PCDHGA3: variants seen among roughly 807,000 people sequenced by gnomAD.
PCDHGA3 encodes the protein protocadherin gamma-A3.
PCDHGA3 carries 40 observed loss-of-function variants against 58.5 expected under a neutral mutation model. That is an observed-to-expected ratio of 0.68 (90% CI 0.53 to 0.89). The LOEUF is 0.89. Ranked by LOEUF, PCDHGA3 falls within the 40% of genes least tolerant of loss-of-function variation. The pLI is 0.00. For missense variants in PCDHGA3, 1,223 were observed against 1,195.9 expected (o/e 1.02, Z -0.33); for synonymous variants, 530 against 525.7 (o/e 1.01, Z -0.11).
At chr5:141,374,497 G>T in intron 1 of PCDHGA3, 5 of 1,611,562 alleles carry the variant, frequency 3.1e-6, no homozygotes, top group Non-Finnish European at 4.2e-6. Flanking sequence ...AGGAAGAATT[G>T]GAAGTGAAAA....
chr5:141,425,194 A>G (rs1464968527), intron 1 of PCDHGA3, among the ~76,000 whole-genome samples: 1 of 152,206 alleles, frequency 6.6e-6, no homozygotes, highest in Non-Finnish European at 1.5e-5. Context: ...CAAACTGAGA[A>G]AAATGATGTA....
chr5:141,393,408 G>T (rs2092753153), intron 1 of PCDHGA3: 1 of 1,614,022 alleles, frequency 6.2e-7, no homozygotes, highest in East Asian at 2.2e-5. Context: ...GCTGGAGCGC[G>T]CCCTGGACAG....
In PCDHGA3 at chr5:141,489,189, C is replaced by A; in HGVS notation, c.2425-5618C>A. 1 of 1,341,534 alleles carries A rather than the reference C, an allele frequency of 7.5e-7. No homozygotes were observed. The highest frequency in any genetic ancestry group is 1.0e-6 in the Non-Finnish European group (1 of 975,280). 83.1% of individuals were successfully genotyped at this position (1,341,534 alleles called of 1,614,324 possible). A position where few individuals can be genotyped will look rare whatever the true frequency, so the allele number is the denominator to read the frequency against. On this transcript the variant is annotated intron_variant, in intron 1 of 3. Transcript: ENST00000253812. This position sits in a 1 kb window ranked among gnomAD's most constrained non-coding sequence, Gnocchi z 4.5. ...TGCTGCATTCCAAGCCCTGGGTCTA[C>A]CTTGGAGACAGGACAGCACAGACTT...
At chr5:141,492,560 G>T (rs2099742000) in intron 1 of PCDHGA3, among the ~76,000 whole-genome samples, 1 of 152,156 alleles carries the variant, frequency 6.6e-6, no homozygotes, top group Non-Finnish European at 1.5e-5. Context: ...CCTGGGGGGC[G>T]GCCTGAGCGA....
At position 141,486,530 on chromosome 5, in the gene PCDHGA3, C is replaced by T; in HGVS notation, c.2425-8277C>T. 6.2e-7 allele frequency: 1 copy of T among 1,614,174 alleles called. No homozygotes were observed. The highest frequency in any genetic ancestry group is 8.5e-7 in the Non-Finnish European group (1 of 1,180,022). On this transcript the variant is annotated intron_variant, in intron 1 of 3. Transcript: ENST00000253812. The surrounding 1 kb of genome is among the most constrained non-coding windows in gnomAD (Gnocchi z 5.0). Reference sequence around the variant, plus strand: ...TATTTCAGATGTGAATGATAATCCACCCTCTTTCTTTCAGAGGTCACATGA... The same window carrying T: ...TATTTCAGATGTGAATGATAATCCATCCTCTTTCTTTCAGAGGTCACATGA...
intron 1 of PCDHGA3, 124 bp from the exon 2 acceptor site, chr5:141,494,683 C>G: frequency 6.4e-7 from 1 of 1,569,074 alleles, no homozygotes; most frequent in Non-Finnish European, 8.7e-7. Context: ...CCCCTGCCCC[C>G]TCTTAGTCCG....
At chr5:141,388,126 G>T (rs531546122) in intron 1 of PCDHGA3, 7 of 1,431,030 alleles carry the variant, frequency 4.9e-6, no homozygotes, top group East Asian at 2.4e-5. Flanking sequence ...AGCGCAGAGA[G>T]CGGGGAGTTG....
rs759945612 is a variant in PCDHGA3 at position 141,409,754 on chromosome 5, C to T, written c.2424+63297C>T. ...GCAGAGCGGGGTGGTGTTCGCGCAG[C>T]GCGCCTTTGATCACGAGCAGCTGCG... On this transcript the variant is annotated intron_variant, in intron 1 of 3. Coordinates refer to ENST00000253812, the MANE Select transcript of PCDHGA3 (RefSeq NM_018916.4). 3 of 1,612,880 alleles carry T rather than the reference C, an allele frequency of 1.9e-6. No individual in the cohort carries two copies. In the Admixed American group the frequency reaches 5.0e-5, roughly 27 times the overall value.
chr5:141,500,394 A>G (rs1024641290), intron 2 of PCDHGA3, among the ~76,000 whole-genome samples: 1 of 151,922 alleles, frequency 6.6e-6, no homozygotes, highest in Non-Finnish European at 1.5e-5. Flanking sequence ...TATTTTTAGT[A>G]GAGACGGGGT....
At chr5:141,458,345 G>A (rs1161535708) in intron 1 of PCDHGA3, among the ~76,000 whole-genome samples, 2 of 152,112 alleles carry the variant, frequency 1.3e-5, no homozygotes, top group Non-Finnish European at 2.9e-5. Context: ...GGAGTGGAGA[G>A]TTTAATAAGC....
At chr5:141,346,938 G>A (rs1286736757) in intron 1 of PCDHGA3, among the ~76,000 whole-genome samples, 2 of 152,086 alleles carry the variant, frequency 1.3e-5, no homozygotes, top group South Asian at 2.1e-4. Context: ...GATATTTTAT[G>A]CCCATGAAAT....
intron 1 of PCDHGA3, chr5:141,393,809 A>G (rs566306926): frequency 1.9e-6 from 3 of 1,613,982 alleles, no homozygotes; most frequent in African/African-American, 1.3e-5. Context: ...GGAGGACCAA[A>G]TTGCTCATTT....
In PCDHGA3 at chr5:141,477,696, A is replaced by T. The variant is rs778604051; in HGVS notation, c.2425-17111A>T. The T allele has an allele frequency of 2.1e-5, 34 of 1,614,054 alleles. No individual in the cohort carries two copies. Among genetic ancestry groups the T allele is most frequent in the Non-Finnish European group, 2.9e-5 (34 of 1,180,044 alleles). On this transcript the variant is annotated intron_variant, in intron 1 of 3. Transcript: ENST00000253812. This position sits in a 1 kb window ranked among gnomAD's most constrained non-coding sequence, Gnocchi z 4.9. ...GTGTCATCCTTAGTGCCCCTAGACT[A>T]TGAGGATCGGCGGGAATTTGAATTA...
At chr5:141,472,786 G>A (rs549389294) in intron 1 of PCDHGA3, among the ~76,000 whole-genome samples, 1 of 151,888 alleles carries the variant, frequency 6.6e-6, no homozygotes, top group Non-Finnish European at 1.5e-5. Flanking sequence ...GGGAGTTCAA[G>A]ATCAGCCTGA....
At position 141,375,817 on chromosome 5, in the gene PCDHGA3, G is replaced by T. The variant is rs376557886; in HGVS notation, c.2424+29360G>T. 8 of 1,614,164 alleles carry T rather than the reference G, an allele frequency of 5.0e-6. No homozygotes were observed. In the African/African-American group the frequency reaches 9.3e-5, roughly 19 times the overall value. ...ACGGTTCCACTGGCGTGGAGCTGGC[G>T]CCCCGCTCCGCAGAGCCCGGCTACC... On this transcript the variant is annotated intron_variant, in intron 1 of 3. Coordinates refer to ENST00000253812, the MANE Select transcript of PCDHGA3 (RefSeq NM_018916.4).
intron 1 of PCDHGA3, among the ~76,000 whole-genome samples, chr5:141,435,590 A>G (rs1005651004): frequency 3.3e-5 from 5 of 152,210 alleles, no homozygotes; most frequent in African/African-American, 7.2e-5. Context: ...TTGCAGTAAT[A>G]TCGCCTGCTT....
Position 141,345,764 on chromosome 5 carries a change from G to A in PCDHGA3, c.1731G>A (p.Leu577=). ...LPTDGSTGVE[L]APRSAEPGYL... ...CAGACGGTTCCACTGGCGTGGAGCT[G>A]GCGCCTCGCTCCGCAGAGCCCGGCT... The change falls in exon 1 of 4, where the codon CTG becomes CTA. Residue 577 remains leucine, a synonymous_variant. Transcript: ENST00000253812. 1 of 1,614,190 alleles carries A rather than the reference G, an allele frequency of 6.2e-7. No homozygotes were observed. The highest frequency in any genetic ancestry group is 1.1e-5 in the South Asian group (1 of 91,070).
intron 1 of PCDHGA3, chr5:141,427,221 T>C (rs1312743800): frequency 2.2e-6 from 1 of 456,628 alleles, no homozygotes; most frequent in Non-Finnish European, 4.4e-6. Context: ...TCGTAGCAGT[T>C]ATACCATGAG....
Position 141,485,626 on chromosome 5 carries a change from T to A in PCDHGA3, c.2425-9181T>A, listed in dbSNP as rs2099616815. 6.2e-7 allele frequency: 1 copy of A among 1,611,740 alleles called. No individual in the cohort carries two copies. On this transcript the variant is annotated intron_variant, in intron 1 of 3. Coordinates refer to ENST00000253812, the MANE Select transcript of PCDHGA3 (RefSeq NM_018916.4). This position sits in a 1 kb window ranked among gnomAD's most constrained non-coding sequence, Gnocchi z 5.7. Reference sequence around the variant, plus strand: ...GGGAGGCAGCTCCTCCAGGACAGCGTTTCCCGTTGGAAAAGGCTCAGGATG... The same window carrying A: ...GGGAGGCAGCTCCTCCAGGACAGCGATTCCCGTTGGAAAAGGCTCAGGATG...
Sources: gnomAD v4.1 joint callset for allele counts (sites outside exome capture counted in the v4.1 genomes callset) on GRCh38, gnomAD v4.1.1 for gene constraint, Gnocchi (gnomAD v3.1) non-coding constraint, MANE v1.5 for transcripts, NCBI Gene and HGNC (gene_info 2026-07-23, HGNC 2026-07-21) for gene names.